Variants in DPH6 observed in about 807,000 individuals in gnomAD.
DPH6 encodes the protein diphthine--ammonia ligase.
In DPH6, 33 loss-of-function variants were observed where a neutral mutation model predicts 38.2. The observed-to-expected ratio is 0.86, with a 90% CI of 0.65 to 1.15. The LOEUF (loss-of-function observed/expected upper bound fraction) is 1.15. Ranked by LOEUF, DPH6 falls within the 50% of genes most tolerant of loss-of-function variation. DPH6 has a pLI of 0.00. For missense variants in DPH6, 325 were observed against 320.0 expected, an observed-to-expected ratio of 1.02 and a Z score of -0.12; for synonymous variants, 108 against 103.0, an observed-to-expected ratio of 1.05 and a Z score of -0.30.
chr15:35,437,024 C>T (rs2053725509), intron 5 of DPH6, among the ~76,000 whole-genome samples: 1 of 151,602 alleles, frequency 6.6e-6, no homozygotes, highest in African/African-American at 2.4e-5. Flanking sequence ...ACGTGGGTAA[C>T]AGCAGATAAT....
At chr15:35,504,867 A>C (rs960674017) in intron 3 of DPH6, among the ~76,000 whole-genome samples, 4 of 152,136 alleles carry the variant, frequency 2.6e-5, no homozygotes, top group African/African-American at 9.7e-5. Flanking sequence ...CTACACAAGC[A>C]ATCTTTGAGG....
chr15:35,451,399 C>T (rs1343637946), intron 4 of DPH6, among the ~76,000 whole-genome samples: 1 of 152,142 alleles, frequency 6.6e-6, no homozygotes, highest in East Asian at 1.9e-4. Flanking sequence ...TGTACTCTAG[C>T]TGCATGGCTT....
intron 3 of DPH6, among the ~76,000 whole-genome samples, chr15:35,343,316 T>C: frequency 6.6e-6 from 1 of 152,140 alleles, no homozygotes; most frequent in East Asian, 1.9e-4. Context: ...TCCTTAAATA[T>C]CCAATATTAT....
chr15:35,238,644 C>CCCAAG (rs1158063230), intron 3 of DPH6, among the ~76,000 whole-genome samples: 1 of 152,202 alleles, frequency 6.6e-6, no homozygotes, highest in East Asian at 1.9e-4. Flanking sequence ...GGCCTCTTAG[C>CCCAAG]CCAAGCCAAG....
At chr15:35,366,144 T>C (rs1286512642), downstream of DPH6, among the ~76,000 whole-genome samples, 1 of 151,912 alleles carries the variant, frequency 6.6e-6, no homozygotes, top group African/African-American at 2.4e-5. Context: ...TCCTTGAGTT[T>C]ATACACGTTG....
intron 4 of DPH6, 80 bp downstream of exon 4, chr15:35,454,667 G>T: frequency 2.5e-6 from 3 of 1,208,694 alleles, no homozygotes; most frequent in South Asian, 2.7e-5. Flanking sequence ...TTTATAATTT[G>T]AATATGATTA....
chr15:35,350,909 G>C (rs1488792927), intron 3 of DPH6, among the ~76,000 whole-genome samples: 1 of 152,068 alleles, frequency 6.6e-6, no homozygotes, highest in African/African-American at 2.4e-5. Flanking sequence ...TGCTGTTGTT[G>C]GGTGGAATGC....
the DPH6 span, among the ~76,000 whole-genome samples, chr15:35,208,613 T>C: frequency 1.3e-5 from 2 of 152,352 alleles, no homozygotes; most frequent in East Asian, 1.9e-4. Context: ...CTTCCACAAA[T>C]GTGAAAGCAC....
chr15:35,517,453 C>T (rs1362206246), intron 3 of DPH6, among the ~76,000 whole-genome samples: 1 of 152,044 alleles, frequency 6.6e-6, no homozygotes, highest in Non-Finnish European at 1.5e-5. Context: ...CTTTGGTAGA[C>T]AGCATCTTGT....
intron 5 of DPH6, among the ~76,000 whole-genome samples, chr15:35,436,547 T>C: frequency 7.4e-6 from 1 of 134,894 alleles, no homozygotes; most frequent in Admixed American, 7.8e-5. Context: ...GTCACTGCAC[T>C]CCAGCCTGGG....
chr15:35,466,755 G>C (rs893450429), intron 3 of DPH6, among the ~76,000 whole-genome samples: 3 of 152,102 alleles, frequency 2.0e-5, no homozygotes, highest in African/African-American at 4.8e-5. Context: ...ATTGCTCCTA[G>C]GCTATAAACC....
At chr15:35,300,328 TTTTGAGTACTAC>T (rs547213362) in intron 3 of DPH6, among the ~76,000 whole-genome samples, 7 of 152,128 alleles carry the variant, frequency 4.6e-5, no homozygotes, top group Non-Finnish European at 1.0e-4. Context: ...TAAAAGATCA[TTTTGAGTACTAC>T]ATTGAGAATA....
chr15:35,532,976 G>C (rs2055110779), intron 3 of DPH6, among the ~76,000 whole-genome samples: 1 of 151,814 alleles, frequency 6.6e-6, no homozygotes, highest in African/African-American at 2.4e-5. Flanking sequence ...GTGTGATTGC[G>C]GGCAACTGTA....
chr15:35,240,255 C>T (rs1335842215), intron 3 of DPH6, among the ~76,000 whole-genome samples: 2 of 126,636 alleles, frequency 1.6e-5, no homozygotes, highest in African/African-American at 2.9e-5. Context: ...AATTCTTGTC[C>T]TAAAATGGGC....
intron 5 of DPH6, among the ~76,000 whole-genome samples, chr15:35,428,737 G>A (rs991169157): frequency 1.3e-5 from 2 of 151,958 alleles, no homozygotes; most frequent in Non-Finnish European, 2.9e-5. Flanking sequence ...CCTCATTCTC[G>A]TTGGCCCAGT....
At chr15:35,443,602 T>C (rs778576528) in intron 5 of DPH6, among the ~76,000 whole-genome samples, 16 of 152,190 alleles carry the variant, frequency 1.1e-4, no homozygotes, top group Non-Finnish European at 2.2e-4. Context: ...GAAAAACTAG[T>C]GTCTCCAGCT....
intron 3 of DPH6, among the ~76,000 whole-genome samples, chr15:35,494,449 T>A (rs2054522775): frequency 6.6e-6 from 1 of 152,098 alleles, no homozygotes; most frequent in African/African-American, 2.4e-5. Flanking sequence ...CCTGCCTACT[T>A]GGCAAAAATT....
intron 6 of DPH6, among the ~76,000 whole-genome samples, chr15:35,392,255 C>T (rs2053070211): frequency 6.6e-6 from 1 of 152,136 alleles, no homozygotes; most frequent in Admixed American, 6.5e-5. Context: ...TTCATGGTAG[C>T]TCCATTGGAA....
At chr15:35,200,873 A>C in the DPH6 span, among the ~76,000 whole-genome samples, 1 of 151,736 alleles carries the variant, frequency 6.6e-6, no homozygotes, top group South Asian at 2.1e-4. Flanking sequence ...AAAGAGAATA[A>C]CTTATTTTTC....
Sources: gnomAD v4.1 joint callset for allele counts (sites outside exome capture counted in the v4.1 genomes callset) on GRCh38, gnomAD v4.1.1 for gene constraint, MANE v1.5 for transcripts, NCBI Gene and HGNC (gene_info 2026-07-23, HGNC 2026-07-21) for gene names.